Variants in CSN1S1 observed in about 807,000 individuals in gnomAD.
The protein encoded by CSN1S1 is alpha-S1-casein.
Under a neutral mutation model 49.1 loss-of-function variants are expected in CSN1S1, and 63 were observed. That is an observed-to-expected ratio of 1.28 (90% confidence interval 1.05 to 1.58). The LOEUF (loss-of-function observed/expected upper bound fraction) is 1.58, where lower values mean the gene tolerates loss of function less well. CSN1S1 is among the 40% of genes most tolerant of loss of function. CSN1S1 has a pLI of 0.00. For missense variants in CSN1S1, 260 were observed against 224.7 expected, an observed-to-expected ratio of 1.16 and a Z score of -1.01; for synonymous variants, 78 against 67.1, an observed-to-expected ratio of 1.16 and a Z score of -0.79.
At chr4:69,933,253 T>C (rs1722666432) in intron 2 of CSN1S1, among the ~76,000 whole-genome samples, 1 of 152,010 alleles carries the variant, frequency 6.6e-6, no homozygotes, top group African/African-American at 2.4e-5. Flanking sequence ...AAAAGTTTTC[T>C]CTGTTCTCTC....
At chr4:69,941,141 C>G in intron 12 of CSN1S1, 81 bp downstream of exon 12, 1 of 615,262 alleles carries the variant, frequency 1.6e-6, no homozygotes, top group Non-Finnish European at 2.7e-6. Context: ...GGGGCCATTT[C>G]TAAATATATT....
chr4:69,941,991 T>C, intron 12 of CSN1S1, 55 bp from the exon 13 acceptor site: 2 of 1,201,716 alleles, frequency 1.7e-6, no homozygotes, highest in Non-Finnish European at 2.3e-6. Flanking sequence ...AAATGTTTCT[T>C]ATTAATGAGT....
intron 3 of CSN1S1, 50 bp downstream of exon 3, chr4:69,934,294 A>ATTTGGAGTTTGTGCTTC: frequency 6.4e-7 from 1 of 1,561,452 alleles, no homozygotes; most frequent in Non-Finnish European, 8.8e-7. Context: ...TGTGAAGCAC[A>ATTTGGAGTTTGTGCTTC]AACTCCAAAT....
chr4:69,935,008 T>C (rs181363276), intron 4 of CSN1S1, among the ~76,000 whole-genome samples: 1 of 152,214 alleles, frequency 6.6e-6, no homozygotes, highest in East Asian at 1.9e-4. Flanking sequence ...AACTAATTAT[T>C]TGTTCTTCTA....
At chr4:69,933,241 C>T (rs963435522) in intron 2 of CSN1S1, among the ~76,000 whole-genome samples, 5 of 151,784 alleles carry the variant, frequency 3.3e-5, no homozygotes, top group African/African-American at 1.2e-4. Context: ...GTATGTGAAC[C>T]AAAAAGTTTT....
Position 69,939,804 on chromosome 4 carries a change from C to T in CSN1S1, c.277-217C>T, listed in dbSNP as rs577470116. On this transcript the variant is annotated intron_variant, in intron 10 of 15. Transcript: ENST00000246891. The stretch of plus-strand genomic sequence containing the variant: ...TTACTTCACATCCACCCCCAGCATT[C>T]GGAGCAATGTAGTGGTTAAAGCAGT... 7.9e-5 allele frequency among the ~76,000 whole-genome samples: 12 copies of T among 151,706 alleles called. 1 individual carries two copies. In the South Asian group the frequency reaches 2.1e-3, roughly 26 times the overall value.
intron 8 of CSN1S1, 71 bp downstream of exon 8, chr4:69,937,215 A>T: frequency 9.1e-7 from 1 of 1,101,250 alleles, no homozygotes; most frequent in South Asian, 1.6e-5. Flanking sequence ...CCCCAAATAA[A>T]TTATTATTTT....
At chr4:69,940,951 C>A in intron 11 of CSN1S1, 68 bp from the exon 12 acceptor site, 1 of 771,354 alleles carries the variant, frequency 1.3e-6, no homozygotes, top group South Asian at 1.8e-5. Context: ...CTTGTTTCAT[C>A]ATATGAAAAT....
At chr4:69,936,077 T>A in intron 5 of CSN1S1, 128 bp downstream of exon 5, 2 of 726,082 alleles carry the variant, frequency 2.8e-6, no homozygotes, top group Non-Finnish European at 4.6e-6. Flanking sequence ...GGAACAAACT[T>A]AAAAATATTG....
intron 5 of CSN1S1, 112 bp downstream of exon 5, chr4:69,936,061 T>A (rs999356461): frequency 3.1e-5 from 26 of 832,402 alleles, no homozygotes; most frequent in Non-Finnish European, 5.0e-5. Context: ...GATAACAAAT[T>A]TGAGTGGAAC....
At chr4:69,945,651 A>C (rs1025053025) in intron 15 of CSN1S1, among the ~76,000 whole-genome samples, 6 of 151,986 alleles carry the variant, frequency 3.9e-5, no homozygotes, top group African/African-American at 1.4e-4. Context: ...GAATTAAGTA[A>C]ATTCTCAAGG....
intron 10 of CSN1S1, among the ~76,000 whole-genome samples, chr4:69,939,668 C>CA (rs1722911692): frequency 6.6e-6 from 1 of 151,636 alleles, no homozygotes; most frequent in African/African-American, 2.4e-5. Flanking sequence ...AGTCAGCCTA[C>CA]AAAAAAAGTG....
intron 9 of CSN1S1, among the ~76,000 whole-genome samples, chr4:69,938,553 A>G (rs1387285723): frequency 1.3e-5 from 2 of 151,704 alleles, no homozygotes; most frequent in African/African-American, 4.8e-5. Flanking sequence ...CTTATTACAT[A>G]TGGTTAATCA....
At position 69,936,472 on chromosome 4, in the gene CSN1S1, T is replaced by C; in HGVS notation, c.146T>C (p.Met49Thr). Reference protein sequence around the residue: ...LESREEYMNGMNRQRNILREK... With the variant: ...LESREEYMNGTNRQRNILREK... ...ATCCCTAAGGAATACATGAATGGTATGAACAGGGTAAGAAACATCAATGAA... is the reference window on the plus strand; with the variant it reads ...ATCCCTAAGGAATACATGAATGGTACGAACAGGGTAAGAAACATCAATGAA... Residue 49 changes from methionine to threonine, a missense_variant, in exon 6 of 16, where the codon ATG becomes ACG. Met to Thr is a moderately conservative substitution (Grantham distance 81). Transcript: ENST00000246891. 1 of 1,569,252 alleles carries C rather than the reference T, an allele frequency of 6.4e-7. No homozygotes were observed. Among genetic ancestry groups the C allele is most frequent in the Non-Finnish European group, 8.8e-7 (1 of 1,141,702 alleles).
At position 69,945,804 on chromosome 4, in the gene CSN1S1, T is replaced by G. The variant is rs548810866; in HGVS notation, c.*-392T>G. On this transcript the variant is annotated intron_variant, in intron 15 of 15. Coordinates refer to ENST00000246891, the MANE Select transcript of CSN1S1 (RefSeq NM_001890.2). Reference sequence around the variant, plus strand: ...TGTCAACACCACTTAAAAAGGTCTATAAGTTCAATTATTTTCACCACTACA... The same window carrying G: ...TGTCAACACCACTTAAAAAGGTCTAGAAGTTCAATTATTTTCACCACTACA... Among the ~76,000 whole-genome samples, 15 of 151,782 alleles carry G rather than the reference T, an allele frequency of 9.9e-5. No individual in the cohort carries two copies. The East Asian group carries it at 2.9e-3, about 30-fold the overall frequency.
intron 7 of CSN1S1, among the ~76,000 whole-genome samples, 172 bp from the exon 8 acceptor site, chr4:69,936,949 A>G (rs1722806306): frequency 1.3e-5 from 2 of 151,978 alleles, no homozygotes; most frequent in Non-Finnish European, 2.9e-5. Context: ...GCTCAAGAAT[A>G]TTTACATAGT....
rs370780519 is a variant in CSN1S1 at position 69,934,055 on chromosome 4, TC to T, written c.52-154del. Among the ~76,000 whole-genome samples the T allele has an allele frequency of 2.8e-4, 42 of 152,122 alleles. No individual in the cohort carries two copies. In the East Asian group the frequency reaches 7.2e-3, roughly 26 times the overall value. Reference sequence around the variant, plus strand: ...ATGATTTCTTTTTTTTTCCCTGTAGTCCCAGAGAAACTTGGTCTCTGACAAA... The same window carrying T: ...ATGATTTCTTTTTTTTTCCCTGTAGTCCAGAGAAACTTGGTCTCTGACAAA... On this transcript the variant is annotated intron_variant, in intron 2 of 15. Coordinates refer to ENST00000246891, the MANE Select transcript of CSN1S1 (RefSeq NM_001890.2).
intron 9 of CSN1S1, among the ~76,000 whole-genome samples, chr4:69,938,600 T>G (rs180728232): frequency 6.1e-4 from 93 of 151,814 alleles, no homozygotes; most frequent in African/African-American, 2.0e-3. Context: ...AATATTAAAA[T>G]TAATCTGTTA....
In CSN1S1 at chr4:69,939,165, C is replaced by T. The variant is rs1278934947; in HGVS notation, c.244-11C>T. On this transcript the variant is annotated splice_polypyrimidine_tract_variant and intron_variant, in intron 9 of 15. Coordinates refer to ENST00000246891, the MANE Select transcript of CSN1S1 (RefSeq NM_001890.2). ...CCAGGGGATAATTAACACTAGATTT[C>T]TTTCTTTTAGAAGATGGAATCCAGC... The T allele has an allele frequency of 1.3e-6, 2 of 1,593,050 alleles. No individual in the cohort carries two copies. Among genetic ancestry groups the T allele is most frequent in the Non-Finnish European group, 8.6e-7 (1 of 1,164,832 alleles).
Sources: allele counts gnomAD v4.1 joint callset (sites outside exome capture counted in the v4.1 genomes callset), GRCh38; gene constraint gnomAD v4.1.1; transcripts MANE v1.5; gene names NCBI Gene and HGNC (gene_info 2026-07-23, HGNC 2026-07-21).